Variants in DNAAF9 observed in about 807,000 individuals in gnomAD.
DNAAF9 encodes dynein axonemal assembly factor 9, also known as shulin.
In DNAAF9, 90 loss-of-function variants were observed where a neutral mutation model predicts 167.0. The observed-to-expected ratio is 0.54, with a 90% confidence interval of 0.45 to 0.64. The LOEUF (loss-of-function observed/expected upper bound fraction) is 0.64, where lower values mean the gene tolerates loss of function less well. Among genes scored for constraint, DNAAF9 ranks in the 30% least tolerant of loss-of-function variants. The pLI is 0.00. For missense variants in DNAAF9, 1,315 were observed against 1,442.2 expected, an observed-to-expected ratio of 0.91 and a Z score of 1.43; for synonymous variants, 491 against 508.8, an observed-to-expected ratio of 0.96 and a Z score of 0.47.
intron 13 of DNAAF9, among the ~76,000 whole-genome samples, chr20:3,325,477 G>A (rs1257722894): frequency 6.6e-6 from 1 of 152,234 alleles, no homozygotes. Context: ...CTAAAGGGCT[G>A]AGAAATCCGG....
chr20:3,257,626 G>T (rs6037518), intron 33 of DNAAF9, among the ~76,000 whole-genome samples: 3 of 151,710 alleles, frequency 2.0e-5, no homozygotes, highest in African/African-American at 7.3e-5. Flanking sequence ...TCACTGCAAC[G>T]GCCGCCTCCT....
chr20:3,371,663 T>C (rs1387104671), intron 6 of DNAAF9, among the ~76,000 whole-genome samples: 2 of 152,164 alleles, frequency 1.3e-5, no homozygotes, highest in Admixed American at 6.6e-5. Context: ...TTTTAAAGCA[T>C]GCTGATCTAT....
At chr20:3,391,578 CTTTTTTTTTTT>C (rs34396355) in intron 1 of DNAAF9, among the ~76,000 whole-genome samples, 1 of 120,952 alleles carries the variant, frequency 8.3e-6, no homozygotes, top group Non-Finnish European at 1.6e-5. Context: ...TTTTTTCCTT[CTTTTTTTTTTT>C]TTTTTTTTGA....
intron 7 of DNAAF9, among the ~76,000 whole-genome samples, chr20:3,358,568 G>C (rs1034726132): frequency 6.6e-6 from 1 of 152,184 alleles, no homozygotes; most frequent in East Asian, 1.9e-4. Context: ...TAACAGGCGT[G>C]AGCCACTGTG....
At position 3,268,897 on chromosome 20, in the gene DNAAF9, C is replaced by CTTTTTTTTTTTTTTTTTTTTT. The variant is rs386393120; in HGVS notation, c.2786+1509_2786+1529dup. Among the ~76,000 whole-genome samples, 87 of 85,840 alleles carry CTTTTTTTTTTTTTTTTTTTTT rather than the reference C, an allele frequency of 1.0e-3. 13 individuals are homozygous for CTTTTTTTTTTTTTTTTTTTTT. Among genetic ancestry groups the CTTTTTTTTTTTTTTTTTTTTT allele is most frequent in the Non-Finnish European group, 1.4e-3 (65 of 46,586 alleles). The allele number at this position is 85,840 out of a possible 152,430, so 56.3% of individuals were successfully genotyped here. A position where few individuals can be genotyped will look rare whatever the true frequency, so the allele number is the denominator to read the frequency against. On this transcript the variant is annotated intron_variant, in intron 30 of 36. Transcript: ENST00000252032. ...GTAAAGAGATAATATCTCTATGTTA[C>CTTTTTTTTTTTTTTTTTTTTT]TTTTTTTTTTTTTTTTTTTTTTTTG...
At chr20:3,348,205 T>C (rs111497197) in intron 8 of DNAAF9, among the ~76,000 whole-genome samples, 7 of 152,244 alleles carry the variant, frequency 4.6e-5, no homozygotes, top group African/African-American at 1.7e-4. Flanking sequence ...ATTCATTATC[T>C]GGAGGTTATA....
At chr20:3,366,154 A>C (rs2083430375) in intron 6 of DNAAF9, among the ~76,000 whole-genome samples, 1 of 152,214 alleles carries the variant, frequency 6.6e-6, no homozygotes, top group African/African-American at 2.4e-5. Context: ...GAAGGCTTTC[A>C]ATTTTTTTTT....
chr20:3,307,692 G>C (rs981393407), intron 20 of DNAAF9, among the ~76,000 whole-genome samples: 9 of 152,048 alleles, frequency 5.9e-5, no homozygotes, highest in African/African-American at 2.2e-4. Flanking sequence ...AAAACCAGGA[G>C]GACTGCAGTT....
chr20:3,390,371 C>T (rs1600912969), intron 1 of DNAAF9, among the ~76,000 whole-genome samples: 1 of 141,148 alleles, frequency 7.1e-6, no homozygotes, highest in Admixed American at 7.1e-5. Context: ...TATTCTCTCA[C>T]TTTTTTTTTT....
intron 29 of DNAAF9, among the ~76,000 whole-genome samples, chr20:3,278,254 G>C (rs2068705055): frequency 6.6e-6 from 1 of 152,064 alleles, no homozygotes; most frequent in African/African-American, 2.4e-5. Context: ...GAGGTATTAA[G>C]AAAGACAGGT....
At chr20:3,382,941 AC>A (rs746576732) in intron 1 of DNAAF9, among the ~76,000 whole-genome samples, 35 of 152,098 alleles carry the variant, frequency 2.3e-4, no homozygotes, top group Admixed American at 1.0e-3. Context: ...TGCAAACTAA[AC>A]CCCCAAACTG....
intron 23 of DNAAF9, chr20:3,295,695 C>T: frequency 3.5e-6 from 2 of 572,714 alleles, no homozygotes; most frequent in Non-Finnish European, 3.5e-6. Context: ...AGTCCATGGG[C>T]CTGCAACCGT....
chr20:3,311,805 T>C (rs2069417764), intron 20 of DNAAF9, among the ~76,000 whole-genome samples: 1 of 152,102 alleles, frequency 6.6e-6, no homozygotes, highest in South Asian at 2.1e-4. Flanking sequence ...GATTAGGTAC[T>C]GGGCAGCCTG....
At chr20:3,322,742 T>C (rs1473184767) in intron 14 of DNAAF9, 46 bp from the exon 15 acceptor site, 2 of 1,391,482 alleles carry the variant, frequency 1.4e-6, no homozygotes, top group Admixed American at 1.7e-5. Flanking sequence ...CTGCTCCTGC[T>C]CCTCAGATAC....
chr20:3,256,586 C>T (rs3310), intron 33 of DNAAF9, among the ~76,000 whole-genome samples: 29,909 of 151,998 alleles, frequency 0.2, 3,151 homozygotes, highest in African/African-American at 0.25. Flanking sequence ...AAGTTTCTGG[C>T]TTGGCTGATC....
intron 30 of DNAAF9, among the ~76,000 whole-genome samples, chr20:3,265,655 T>C (rs965570024): frequency 6.6e-6 from 1 of 151,692 alleles, no homozygotes; most frequent in African/African-American, 2.4e-5. Context: ...TGTTATTACT[T>C]TGATATACAG....
intron 27 of DNAAF9, among the ~76,000 whole-genome samples, chr20:3,286,014 A>T (rs932450786): frequency 1.3e-5 from 2 of 152,122 alleles, no homozygotes; most frequent in Non-Finnish European, 2.9e-5. Context: ...AAGAAAATAA[A>T]GCCATATTCA....
At chr20:3,316,921 A>AGG in intron 17 of DNAAF9, 128 bp from the exon 18 acceptor site, 1 of 534,268 alleles carries the variant, frequency 1.9e-6, no homozygotes, top group Non-Finnish European at 3.3e-6. Context: ...TTGAGACAGA[A>AGG]TCTTGTTCTG....
At chr20:3,322,120 G>A in intron 16 of DNAAF9, 97 bp downstream of exon 16, 1 of 795,028 alleles carries the variant, frequency 1.3e-6, no homozygotes, top group African/African-American at 1.7e-5. Flanking sequence ...CAGGTGGGGT[G>A]GGCTGCCCAA....
Sources: allele counts gnomAD v4.1 joint callset (sites outside exome capture counted in the v4.1 genomes callset), GRCh38; gene constraint gnomAD v4.1.1; transcripts MANE v1.5; gene names NCBI Gene and HGNC (gene_info 2026-07-23, HGNC 2026-07-21).